The following ALPK1 variants were observed in gnomAD, a reference collection of about 807,000 sequenced individuals.
ALPK1 encodes alpha kinase 1, also known as alpha-protein kinase 1.
ALPK1 carries 110 observed loss-of-function variants against 120.6 expected under a neutral mutation model. The ratio of observed to expected loss-of-function variants is 0.91; its 90% CI spans 0.78 to 1.07. The LOEUF (loss-of-function observed/expected upper bound fraction) is 1.07. Among genes scored for constraint, ALPK1 ranks in the 50% least tolerant of loss-of-function variants. The probability of loss-of-function intolerance (pLI) is 0.00; values close to 1 mark genes in which losing one functional copy is unlikely to be tolerated. For synonymous variants in ALPK1, 582 were observed against 560.3 expected, an observed-to-expected ratio of 1.04 and a Z score of -0.55; for missense variants, 1,498 against 1,483.9, an observed-to-expected ratio of 1.01 and a Z score of -0.16.
At position 112,411,527 on chromosome 4, in the gene ALPK1, AC is replaced by A. The variant is rs745505657; in HGVS notation, c.277-299del. Among the ~76,000 whole-genome samples the A allele has an allele frequency of 1.4e-4, 21 of 152,220 alleles. No homozygotes were observed. In the South Asian group the frequency reaches 3.1e-3, roughly 23 times the overall value. On this transcript the variant is annotated intron_variant, in intron 4 of 15. Coordinates refer to ENST00000650871, the MANE Select transcript of ALPK1 (RefSeq NM_025144.4). The stretch of plus-strand genomic sequence containing the variant: ...GGCGTGAGCCACCATGCCCGGCCCT[AC>A]TTTTTACCCTATGCGCTTTAGTATT...
chr4:112,408,107 A>G (rs1401284036), intron 4 of ALPK1, among the ~76,000 whole-genome samples: 1 of 125,476 alleles, frequency 8.0e-6, no homozygotes, highest in African/African-American at 3.0e-5. Flanking sequence ...GCTTCATCTC[A>G]AAAAAGACAA....
chr4:112,333,070 C>T (rs768663386), intron 2 of ALPK1, among the ~76,000 whole-genome samples: 1 of 152,160 alleles, frequency 6.6e-6, no homozygotes, highest in Non-Finnish European at 1.5e-5. Context: ...TCAAGCCACA[C>T]TTCTATTTGC....
At chr4:112,385,447 T>C (rs1263236383) in intron 4 of ALPK1, among the ~76,000 whole-genome samples, 2 of 152,216 alleles carry the variant, frequency 1.3e-5, no homozygotes, top group Admixed American at 6.5e-5. Context: ...TTCTTTAGTC[T>C]CTAATGTATT....
intron 2 of ALPK1, among the ~76,000 whole-genome samples, chr4:112,368,243 A>G (rs1026858470): frequency 6.6e-6 from 1 of 152,186 alleles, no homozygotes; most frequent in Non-Finnish European, 1.5e-5. Context: ...TATCGAATCT[A>G]TGCATTCATT....
At chr4:112,373,250 C>T (rs896566742) in intron 2 of ALPK1, among the ~76,000 whole-genome samples, 19 of 152,322 alleles carry the variant, frequency 1.2e-4, no homozygotes, top group Admixed American at 1.2e-3. Flanking sequence ...CTGTAGCCCA[C>T]TAATTAGCTC....
chr4:112,306,331 C>T (rs1728053959), intron 1 of ALPK1, among the ~76,000 whole-genome samples: 1 of 152,068 alleles, frequency 6.6e-6, no homozygotes, highest in South Asian at 2.1e-4. Context: ...ATGGTACCAG[C>T]CCCTCTTTGT....
chr4:112,306,991 C>T (rs950231293), intron 1 of ALPK1, among the ~76,000 whole-genome samples: 11 of 152,200 alleles, frequency 7.2e-5, no homozygotes, highest in Non-Finnish European at 1.2e-4. Context: ...TTTATATCTG[C>T]CTTCATTTCA....
intron 2 of ALPK1, among the ~76,000 whole-genome samples, chr4:112,344,023 G>A (rs770494957): frequency 8.6e-4 from 131 of 152,238 alleles, no homozygotes; most frequent in Middle Eastern, 3.4e-3. Flanking sequence ...CTTTCATGTT[G>A]GTGCATATTA....
chr4:112,312,033 A>G (rs1445887404), intron 1 of ALPK1, among the ~76,000 whole-genome samples: 1 of 152,194 alleles, frequency 6.6e-6, no homozygotes, highest in Non-Finnish European at 1.5e-5. Context: ...ATCTAGAGGC[A>G]CAAAGACTGG....
chr4:112,315,742 G>C (rs1222965209), intron 1 of ALPK1, 59 bp from the exon 2 acceptor site: 1 of 152,200 alleles, frequency 6.6e-6, no homozygotes, highest in Non-Finnish European at 1.5e-5. Flanking sequence ...GCAAGAAATA[G>C]AGATTATTCC....
intron 2 of ALPK1, chr4:112,357,853 G>T: frequency 8.7e-7 from 1 of 1,153,604 alleles, no homozygotes. Context: ...CCACTACTTG[G>T]CTAGGAAGAT....
chr4:112,344,846 A>G (rs1397116352), intron 2 of ALPK1, among the ~76,000 whole-genome samples: 1 of 152,330 alleles, frequency 6.6e-6, no homozygotes, highest in East Asian at 1.9e-4. Flanking sequence ...AACCAATAGC[A>G]ATTTTCCCTC....
intron 2 of ALPK1, among the ~76,000 whole-genome samples, chr4:112,322,796 C>T (rs1255732237): frequency 6.6e-6 from 1 of 152,016 alleles, no homozygotes; most frequent in African/African-American, 2.4e-5. Context: ...TTCTTAATAC[C>T]CATTTATGTC....
chr4:112,439,877 G>A lies in ALPK1; in HGVS notation c.3538+5G>A. ...ATGTTGTGGTCGATTTACAAGGTAT[G>A]TGAAACTGGGAATTATTTTTATTTT... On this transcript the variant is annotated splice_donor_5th_base_variant and intron_variant, in intron 14 of 15. Coordinates refer to ENST00000650871, the MANE Select transcript of ALPK1 (RefSeq NM_025144.4). 2.5e-6 allele frequency: 4 copies of A among 1,571,206 alleles called. No individual in the cohort carries two copies. The highest frequency in any genetic ancestry group is 3.4e-6 in the Non-Finnish European group (4 of 1,167,760).
At chr4:112,412,820 A>G (rs1733549794) in intron 5 of ALPK1, among the ~76,000 whole-genome samples, 1 of 152,230 alleles carries the variant, frequency 6.6e-6, no homozygotes, top group South Asian at 2.1e-4. Flanking sequence ...TGTTGCTATT[A>G]TTTTAATAAC....
chr4:112,430,365 G>T lies in ALPK1; in HGVS notation c.901-83G>T, dbSNP rs1029447. 0.23 allele frequency: 288,752 copies of T among 1,254,500 alleles called. 34,971 individuals are homozygous for T. The highest frequency in any genetic ancestry group is 0.25 in the Non-Finnish European group (223,030 of 905,076). The allele number at this position is 1,254,500 out of a possible 1,614,324, so 77.7% of individuals were successfully genotyped here. On this transcript the variant is annotated intron_variant, in intron 10 of 15. Transcript: ENST00000650871. ...TTTTTCTATAATATTTCAAATGACT[G>T]TCCTCCAGAAATGAAAAGTTTGTCC...
intron 2 of ALPK1, among the ~76,000 whole-genome samples, chr4:112,333,708 T>C (rs1160543376): frequency 6.6e-6 from 1 of 152,154 alleles, no homozygotes; most frequent in Non-Finnish European, 1.5e-5. Context: ...TAAGAATCCA[T>C]TTTCACACAT....
At position 112,429,150 on chromosome 4, in the gene ALPK1, G is replaced by A; in HGVS notation, c.797G>A (p.Ser266Asn). 1.2e-6 allele frequency: 2 copies of A among 1,613,214 alleles called. No homozygotes were observed. The highest frequency in any genetic ancestry group is 1.7e-6 in the Non-Finnish European group (2 of 1,179,850). ...KFKNNPQINL[S>N]LLKEFDHHLL... ...ACTTAGCCTCCTGTTTTCTCACAGAGCCTGCTGAAGGAGTTTGACCACCAT... is the reference window on the plus strand; with the variant it reads ...ACTTAGCCTCCTGTTTTCTCACAGAACCTGCTGAAGGAGTTTGACCACCAT... The change falls in exon 10 of 16, where the codon AGC becomes AAC. Residue 266 changes from serine (S) to asparagine (N), a missense_variant and splice_region_variant. Transcript: ENST00000650871.
At chr4:112,337,893 A>G (rs1729688846) in intron 2 of ALPK1, among the ~76,000 whole-genome samples, 1 of 152,202 alleles carries the variant, frequency 6.6e-6, no homozygotes, top group Non-Finnish European at 1.5e-5. Flanking sequence ...ATAAGTTTAA[A>G]TATATGTTTA....
Sources: gnomAD v4.1 joint callset for allele counts (sites outside exome capture counted in the v4.1 genomes callset) on GRCh38, gnomAD v4.1.1 for gene constraint, MANE v1.5 for transcripts, NCBI Gene and HGNC (gene_info 2026-07-23, HGNC 2026-07-21) for gene names.